Variants in DNTT observed in about 807,000 individuals in gnomAD.
DNTT encodes the protein nucleosidetriphosphate:DNA deoxynucleotidylexotransferase.
A neutral mutation model predicts 60.9 loss-of-function variants in DNTT; 47 were observed. The ratio of observed to expected loss-of-function variants is 0.77; its 90% CI spans 0.61 to 0.98. The LOEUF is 0.98. Ranked by LOEUF, DNTT falls within the 50% of genes least tolerant of loss-of-function variation. The pLI is 0.00. For missense variants in DNTT, 665 were observed against 627.5 expected (o/e 1.06, Z -0.64); for synonymous variants, 224 against 221.2 (o/e 1.01, Z -0.11).
Position 96,335,924 on chromosome 10 carries a change from CAT to C in DNTT, c.1394_1395del (p.His465ArgfsTer8). The C allele has an allele frequency of 6.2e-7, 1 of 1,614,214 alleles. No individual in the cohort carries two copies. Among genetic ancestry groups the C allele is most frequent in the Non-Finnish European group, 8.5e-7 (1 of 1,180,026 alleles). Reference sequence around the variant, plus strand: ...GAGAGACCTCCGGCGCTATGCCACACATGAGCGGAAGATGATTCTGGATAACC... The same window carrying C: ...GAGAGACCTCCGGCGCTATGCCACACGAGCGGAAGATGATTCTGGATAACC... ...FERDLRRYAT[H>X]ERKMILDNHA... On this transcript the variant is annotated frameshift_variant, in exon 10 of 11. Transcript: ENST00000371174. LOFTEE classifies it high-confidence loss of function.
intron 1 of DNTT, chr10:96,306,513 A>G (rs558875681): frequency 6.6e-6 from 1 of 152,396 alleles, no homozygotes; most frequent in South Asian, 2.1e-4. Context: ...ACTTACTGGA[A>G]AGCTCTCCAT....
intron 2 of DNTT, among the ~76,000 whole-genome samples, chr10:96,318,912 G>GAAAAC (rs749460969): frequency 5.7e-4 from 86 of 152,108 alleles, no homozygotes; most frequent in African/African-American, 1.8e-3. Context: ...TGATCATTCA[G>GAAAAC]AAAACAAAAC....
intron 10 of DNTT, among the ~76,000 whole-genome samples, chr10:96,337,538 T>C (rs774902295): frequency 1.3e-5 from 2 of 152,168 alleles, no homozygotes; most frequent in African/African-American, 2.4e-5. Flanking sequence ...ACATTCTAAA[T>C]AGTTCAATGT....
chr10:96,325,569 T>C (rs142074668), intron 6 of DNTT, among the ~76,000 whole-genome samples: 1 of 152,340 alleles, frequency 6.6e-6, no homozygotes, highest in Non-Finnish European at 1.5e-5. Flanking sequence ...TTCCCTAGCT[T>C]TGTAAACTGG....
chr10:96,333,791 T>G (rs779491794), intron 9 of DNTT, among the ~76,000 whole-genome samples: 5 of 152,140 alleles, frequency 3.3e-5, no homozygotes, highest in Non-Finnish European at 7.4e-5. Flanking sequence ...AAGTACAGAA[T>G]AGAATGTAGA....
chr10:96,317,725 T>C (rs1416647612), intron 1 of DNTT, among the ~76,000 whole-genome samples: 1 of 152,190 alleles, frequency 6.6e-6, no homozygotes, highest in Admixed American at 6.5e-5. Context: ...CTATGAAGAA[T>C]GGGCCTTCAC....
chr10:96,307,956 C>A (rs550326226), intron 1 of DNTT, among the ~76,000 whole-genome samples: 2 of 151,538 alleles, frequency 1.3e-5, no homozygotes, highest in Non-Finnish European at 1.5e-5. Context: ...GATGGGGTTC[C>A]GCCATGTTGC....
At position 96,304,536 on chromosome 10, in the gene DNTT, G is replaced by T. The variant is rs1844608493; in HGVS notation, c.39G>T (p.Lys13Asn). ...PPRASHLSPR[K>N]KRPRQTGALM... ...GAGCGTCCCACTTGAGCCCTCGGAA[G>T]AAGAGACCCCGGCAGACGGGTGCCT... The change falls in exon 1 of 11, where the codon AAG (lysine) becomes AAT (asparagine). Residue 13 changes from lysine (K) to asparagine (N), a missense_variant. Physicochemically the swap from Lys to Asn is moderately conservative, Grantham distance 94 (BLOSUM62 0). Transcript: ENST00000371174. 1 of 1,613,992 alleles carries T rather than the reference G, an allele frequency of 6.2e-7. No homozygotes were observed. The highest frequency in any genetic ancestry group is 8.5e-7 in the Non-Finnish European group (1 of 1,180,016).
intron 8 of DNTT, 65 bp downstream of exon 8, chr10:96,328,895 T>C: frequency 2.0e-6 from 3 of 1,471,624 alleles, no homozygotes; most frequent in Non-Finnish European, 1.9e-6. Flanking sequence ...ATTTTGCACA[T>C]TACTTGCCTT....
intron 8 of DNTT, among the ~76,000 whole-genome samples, chr10:96,329,415 A>G (rs1442446343): frequency 1.3e-5 from 2 of 152,246 alleles, no homozygotes; most frequent in African/African-American, 4.8e-5. Context: ...CCCTGCAGCC[A>G]GAGCCACATG....
chr10:96,324,125 C>G (rs1177692939), intron 5 of DNTT, 141 bp from the exon 6 acceptor site: 1 of 1,133,032 alleles, frequency 8.8e-7, no homozygotes, highest in African/African-American at 1.6e-5. Flanking sequence ...CATCACCCAC[C>G]TGCTCGTTAT....
chr10:96,320,922 C>A, intron 4 of DNTT, 134 bp downstream of exon 4: 2 of 984,258 alleles, frequency 2.0e-6, no homozygotes, highest in Non-Finnish European at 2.9e-6. Flanking sequence ...TATACATATT[C>A]CTCTCTCTCT....
At chr10:96,310,050 T>C (rs1844691794) in intron 1 of DNTT, among the ~76,000 whole-genome samples, 1 of 152,190 alleles carries the variant, frequency 6.6e-6, no homozygotes, top group South Asian at 2.1e-4. Context: ...TCCTCTAATT[T>C]ACACCACAAA....
At chr10:96,335,647 G>A (rs547646517) in intron 9 of DNTT, among the ~76,000 whole-genome samples, 3 of 152,256 alleles carry the variant, frequency 2.0e-5, no homozygotes, top group African/African-American at 7.2e-5. Flanking sequence ...TTCTACATGC[G>A]AGGCACTATT....
chr10:96,324,254 C>T lies in DNTT; in HGVS notation c.751-12C>T, dbSNP rs371012015. On this transcript the variant is annotated splice_polypyrimidine_tract_variant and intron_variant, in intron 5 of 10. Transcript: ENST00000371174. Reference sequence around the variant, plus strand: ...CTTAGAGACTGATGGCATGCCTTTCCCTCCATTTTAGCTCTTTACTTCTGT... The same window carrying T: ...CTTAGAGACTGATGGCATGCCTTTCTCTCCATTTTAGCTCTTTACTTCTGT... 4 of 1,608,794 alleles carry T rather than the reference C, an allele frequency of 2.5e-6. No individual in the cohort carries two copies. The African/African-American group carries it at 5.3e-5, about 22-fold the overall frequency.
intron 10 of DNTT, 25 bp downstream of exon 10, chr10:96,335,999 C>G: frequency 6.2e-7 from 1 of 1,611,004 alleles, no homozygotes; most frequent in East Asian, 2.2e-5. Flanking sequence ...CTAAAAGGGG[C>G]TACTTTGATC....
intron 3 of DNTT, among the ~76,000 whole-genome samples, chr10:96,320,008 G>A (rs1844846786): frequency 6.6e-6 from 1 of 152,196 alleles, no homozygotes; most frequent in Non-Finnish European, 1.5e-5. Context: ...ACATGTAGTA[G>A]TAGATCAATA....
chr10:96,318,370 C>A lies in DNTT; in HGVS notation c.222C>A (p.Ile74=), dbSNP rs7081385. Residue 74 remains isoleucine, a synonymous_variant, in exon 2 of 11, where the codon ATC becomes ATA. Transcript: ENST00000371174. ...ENELSDSVTH[I]VAENNSGSDV... The stretch of plus-strand genomic sequence containing the variant: ...TTTGCAGTGATTCTGTCACCCACAT[C>A]GTAGCAGAGAACAACTCGGGTTCGG... The A allele has an allele frequency of 1.2e-6, 2 of 1,613,252 alleles. No individual in the cohort carries two copies. The highest frequency in any genetic ancestry group is 8.5e-7 in the Non-Finnish European group (1 of 1,179,572).
At chr10:96,321,934 GTTA>G (rs1844885527) in intron 4 of DNTT, among the ~76,000 whole-genome samples, 2 of 152,190 alleles carry the variant, frequency 1.3e-5, no homozygotes, top group Admixed American at 6.5e-5. Context: ...CTCCCATACT[GTTA>G]TTAATCACAG....
Sources: allele counts gnomAD v4.1 joint callset (sites outside exome capture counted in the v4.1 genomes callset), GRCh38; gene constraint gnomAD v4.1.1; transcripts MANE v1.5; gene names NCBI Gene and HGNC (gene_info 2026-07-23, HGNC 2026-07-21).